FKTN: variants seen among roughly 807,000 people sequenced by gnomAD.
The protein encoded by FKTN is fukutin.
In FKTN, 47 loss-of-function variants were observed where a neutral mutation model predicts 58.6. The ratio of observed to expected loss-of-function variants is 0.80; its 90% CI spans 0.63 to 1.02. FKTN has a LOEUF of 1.02. Ranked by LOEUF, FKTN falls within the 50% of genes least tolerant of loss-of-function variation. The pLI is 0.00. For synonymous variants in FKTN, 178 were observed against 191.9 expected (o/e 0.93, Z 0.60); for missense variants, 516 against 537.3 (o/e 0.96, Z 0.39).
intron 10 of FKTN, among the ~76,000 whole-genome samples, chr9:105,630,362 C>T (rs1314033466): frequency 6.6e-6 from 1 of 151,996 alleles, no homozygotes. Flanking sequence ...AAAATAAATA[C>T]CAAAATCAAC....
rs1053838975 is a variant in FKTN, at chr9:105,630,966, C to A, written c.1173-4085C>A. Among the ~76,000 whole-genome samples the A allele has an allele frequency of 6.6e-5, 10 of 152,080 alleles. No homozygotes were observed. In the South Asian group the frequency reaches 2.1e-3, roughly 32 times the overall value. On this transcript the variant is annotated intron_variant, in intron 10 of 10. Coordinates refer to ENST00000357998, the MANE Select transcript of FKTN (RefSeq NM_001079802.2). ...TGGCCAACATGGTGATACCCCAACT[C>A]TACTAAAAATAGAAAAATTAGCCAG...
At chr9:105,634,866 C>A (rs567683081) in intron 10 of FKTN, among the ~76,000 whole-genome samples, 185 bp from the exon 11 acceptor site, 1 of 152,200 alleles carries the variant, frequency 6.6e-6, no homozygotes, top group East Asian at 1.9e-4. Flanking sequence ...GAGCTTGGAA[C>A]AGGAAAGGAA....
intron 3 of FKTN, among the ~76,000 whole-genome samples, chr9:105,594,311 A>G (rs1228610528): frequency 6.6e-6 from 1 of 152,208 alleles, no homozygotes; most frequent in Non-Finnish European, 1.5e-5. Context: ...GTGAAATAGA[A>G]AGCAATGCCA....
In FKTN at chr9:105,635,943, A is replaced by G. The variant is rs573005537; in HGVS notation, c.*679A>G. On this transcript the variant is annotated 3_prime_UTR_variant, in exon 11 of 11. Transcript: ENST00000357998. ...TACTGTTTTCATATGTGAAGTGAGA[A>G]GAAACTTTATGCTTGTTTAATGCTT... 33 of 986,194 alleles carry G rather than the reference A, an allele frequency of 3.3e-5. No individual in the cohort carries two copies. In the African/African-American group the frequency reaches 5.1e-4, roughly 15 times the overall value. The allele number at this position is 986,194 out of a possible 1,614,324, so 61.1% of individuals were successfully genotyped here.
intron 3 of FKTN, among the ~76,000 whole-genome samples, chr9:105,586,652 T>C (rs148105258): frequency 6.6e-6 from 1 of 152,192 alleles, no homozygotes; most frequent in Non-Finnish European, 1.5e-5. Flanking sequence ...CCTCATGCAA[T>C]TGTTTGGCTT....
Position 105,567,790 on chromosome 9 carries a change from ACTT to A in FKTN, c.-180-5864_-180-5862del, listed in dbSNP as rs368869036. On this transcript the variant is annotated intron_variant, in intron 1 of 10. Coordinates refer to ENST00000357998, the MANE Select transcript of FKTN (RefSeq NM_001079802.2). ...TTTCTTCACAGAATTGGAAAAAACT[ACTT>A]TAGAGTTCATATGGAAGCAAAAAAG... 2.2e-4 allele frequency among the ~76,000 whole-genome samples: 33 copies of A among 152,350 alleles called. No homozygotes were observed. In the East Asian group the frequency reaches 5.0e-3, roughly 23 times the overall value.
intron 3 of FKTN, among the ~76,000 whole-genome samples, chr9:105,577,927 A>T (rs1842058968): frequency 6.6e-6 from 1 of 151,372 alleles, no homozygotes; most frequent in African/African-American, 2.5e-5. Flanking sequence ...TTCTCTTTGA[A>T]GCAATTATGA....
In FKTN at chr9:105,640,103, A is replaced by G; in HGVS notation, c.*4839A>G. 1 of 1,535,240 alleles carries G rather than the reference A, an allele frequency of 6.5e-7. No homozygotes were observed. Among genetic ancestry groups the G allele is most frequent in the Non-Finnish European group, 8.7e-7 (1 of 1,146,492 alleles). ...ATTTCTGTTTCTATCTCAACTAGGC[A>G]AGAATCAGCAGGGTGCATGATGCCA... On this transcript the variant is annotated 3_prime_UTR_variant, in exon 11 of 11. Coordinates refer to ENST00000357998, the MANE Select transcript of FKTN (RefSeq NM_001079802.2).
chr9:105,575,005 A>G lies in FKTN; in HGVS notation c.-28A>G, dbSNP rs1235080439. On this transcript the variant is annotated 5_prime_UTR_variant, in exon 3 of 11. Transcript: ENST00000357998. The stretch of plus-strand genomic sequence containing the variant: ...ATGAAAACGACTGAGATACTTTCAA[A>G]AGACAACCAAGTGAGCAGCACAGAC... 8.1e-7 allele frequency: 1 copy of G among 1,237,260 alleles called. No individual in the cohort carries two copies. The highest frequency in any genetic ancestry group is 1.5e-5 in the African/African-American group (1 of 67,604). The allele number at this position is 1,237,260 out of a possible 1,614,324, so 76.6% of individuals were successfully genotyped here. A position where few individuals can be genotyped will look rare whatever the true frequency, so the allele number is the denominator to read the frequency against.
rs34674142 is a variant in FKTN at position 105,573,238 on chromosome 9, C to CAAAA, written c.-180-409_-180-406dup. 1.5e-4 allele frequency among the ~76,000 whole-genome samples: 22 copies of CAAAA among 148,090 alleles called. No individual in the cohort carries two copies. In the South Asian group the frequency reaches 4.5e-3, roughly 30 times the overall value. Reference sequence around the variant, plus strand: ...TGAGTGACAGAGGGAGACTCTGTCTCAAAAAAAAAAATGCTTAATTGTAGT... The same window carrying CAAAA: ...TGAGTGACAGAGGGAGACTCTGTCTCAAAAAAAAAAAAAAATGCTTAATTGTAGT... On this transcript the variant is annotated intron_variant, in intron 1 of 10. Transcript: ENST00000357998.
chr9:105,608,011 A>ATT, intron 7 of FKTN, 60 bp downstream of exon 7: 1 of 1,445,354 alleles, frequency 6.9e-7, no homozygotes, highest in East Asian at 2.3e-5. Context: ...TATTTTTAAT[A>ATT]TTTGAGGGTG....
At chr9:105,619,823 T>TAGA in intron 9 of FKTN, 111 bp from the exon 10 acceptor site, 1 of 967,544 alleles carries the variant, frequency 1.0e-6, no homozygotes, top group Non-Finnish European at 1.5e-6. Context: ...ATGAATACTC[T>TAGA]ATGTATGTAA....
intron 1 of FKTN, among the ~76,000 whole-genome samples, chr9:105,564,866 AT>A (rs1418103364): frequency 6.6e-6 from 1 of 152,232 alleles, no homozygotes; most frequent in African/African-American, 2.4e-5. Context: ...CAAAGTTGAA[AT>A]GAAGGAAAAA....
Position 105,559,473 on chromosome 9 carries a change from A to C in FKTN, c.-181+1308A>C, listed in dbSNP as rs921050876. Among the ~76,000 whole-genome samples the C allele has an allele frequency of 2.0e-5, 3 of 152,094 alleles. No individual in the cohort carries two copies. In the East Asian group the frequency reaches 5.8e-4, roughly 29 times the overall value. On this transcript the variant is annotated intron_variant, in intron 1 of 10. Transcript: ENST00000357998. ...GAGGCGGGTGGATCACCTGAGGCCAAGGAGTTCGAAACCAGCCTGGCCAAC... is the reference window on the plus strand; with the variant it reads ...GAGGCGGGTGGATCACCTGAGGCCACGGAGTTCGAAACCAGCCTGGCCAAC...
chr9:105,570,815 T>A (rs915261337), intron 1 of FKTN, among the ~76,000 whole-genome samples: 7 of 152,148 alleles, frequency 4.6e-5, no homozygotes, highest in African/African-American at 1.7e-4. Flanking sequence ...GAAGACTTCC[T>A]TGAAGAAGTG....
chr9:105,602,027 G>A (rs547459514), intron 5 of FKTN, among the ~76,000 whole-genome samples: 1 of 152,270 alleles, frequency 6.6e-6, no homozygotes, highest in African/African-American at 2.4e-5. Flanking sequence ...TTTAGAAGTA[G>A]GATCACAGAA....
In FKTN at chr9:105,638,061, C is replaced by A. The variant is rs1588328065; in HGVS notation, c.*2797C>A. The A allele has an allele frequency of 4.1e-6, 4 of 974,178 alleles. No homozygotes were observed. Among genetic ancestry groups the A allele is most frequent in the Non-Finnish European group, 4.9e-6 (4 of 819,790 alleles). 60.3% of individuals were successfully genotyped at this position (974,178 alleles called of 1,614,324 possible). The stretch of plus-strand genomic sequence containing the variant: ...TTTTGAATCTTAAAAGCTAGAAAAA[C>A]CATAATGTAATATTCTTTTTAAACC... On this transcript the variant is annotated 3_prime_UTR_variant, in exon 11 of 11. Transcript: ENST00000357998.
At chr9:105,588,846 A>G (rs1844361194) in intron 3 of FKTN, among the ~76,000 whole-genome samples, 1 of 152,200 alleles carries the variant, frequency 6.6e-6, no homozygotes, top group Non-Finnish European at 1.5e-5. Flanking sequence ...TTTATGGATT[A>G]TATTAGCTGA....
At chr9:105,602,111 G>C (rs1223760559) in intron 5 of FKTN, among the ~76,000 whole-genome samples, 1 of 152,136 alleles carries the variant, frequency 6.6e-6, no homozygotes, top group Non-Finnish European at 1.5e-5. Context: ...AAAATAGTGA[G>C]CAAGTTTCCA....
Sources: allele counts gnomAD v4.1 joint callset (sites outside exome capture counted in the v4.1 genomes callset), GRCh38; gene constraint gnomAD v4.1.1; transcripts MANE v1.5; gene names NCBI Gene and HGNC (gene_info 2026-07-23, HGNC 2026-07-21).